Variants in ETFA observed in about 807,000 individuals in gnomAD.
ETFA encodes electron transfer flavoprotein subunit alpha, mitochondrial.
A neutral mutation model predicts 46.2 loss-of-function variants in ETFA; 22 were observed. That is an observed-to-expected ratio of 0.48 (90% confidence interval 0.34 to 0.68). ETFA has a LOEUF of 0.68. Ranked by LOEUF, ETFA falls within the 30% of genes least tolerant of loss-of-function variation. The probability of loss-of-function intolerance (pLI) is 0.01; values close to 1 mark genes in which losing one functional copy is unlikely to be tolerated. For synonymous variants in ETFA, 131 were observed against 139.9 expected (o/e 0.94, Z 0.45); for missense variants, 345 against 401.1 (o/e 0.86, Z 1.19).
In ETFA at chr15:76,216,575, A is replaced by G; in HGVS notation, c.986T>C (p.Ile329Thr). ...GATCCTGATTCATTTTTTCTTCAAT[A>G]TCTCAGTCATTTCAGGAACTACCTG... Reference protein sequence around the residue: ...LFKVVPEMTEILKKK With the variant: ...LFKVVPEMTETLKKK Residue 329 changes from isoleucine (I) to threonine (T), a missense_variant, in exon 12 of 12, where the codon ATA becomes ACA. Ile to Thr is a moderately conservative substitution (Grantham distance 89, BLOSUM62 -1). Transcript: ENST00000557943. 1 of 1,589,792 alleles carries G rather than the reference A, an allele frequency of 6.3e-7. No individual in the cohort carries two copies. The highest frequency in any genetic ancestry group is 8.6e-7 in the Non-Finnish European group (1 of 1,157,950).
At position 76,259,063 on chromosome 15, in the gene ETFA, G is replaced by A. The variant is rs942009243; in HGVS notation, c.816+15349C>T. On this transcript the variant is annotated intron_variant, in intron 9 of 11. Transcript: ENST00000557943. ...GTCTCATTGAGGGGACTCTCTGGCT[G>A]GTGCTCTGCCTGCCCTGGCTGCTCA... The A allele has an allele frequency of 9.4e-6, 15 of 1,598,796 alleles. No individual in the cohort carries two copies. In the African/African-American group the frequency reaches 1.9e-4, roughly 20 times the overall value.
chr15:76,285,546 G>T, intron 7 of ETFA, 91 bp downstream of exon 7: 1 of 756,796 alleles, frequency 1.3e-6, no homozygotes, highest in Non-Finnish European at 2.3e-6. Flanking sequence ...ATTTGAAAAA[G>T]ATCTGTGTAC....
chr15:76,224,739 T>C (rs1044637328), intron 11 of ETFA, among the ~76,000 whole-genome samples: 2 of 152,180 alleles, frequency 1.3e-5, no homozygotes, highest in African/African-American at 2.4e-5. Flanking sequence ...CCACTTCTCC[T>C]AGGGTTGGAT....
chr15:76,285,246 GA>G (rs1459086310), intron 7 of ETFA, among the ~76,000 whole-genome samples: 1 of 152,136 alleles, frequency 6.6e-6, no homozygotes, highest in Non-Finnish European at 1.5e-5. Context: ...GACAACTCTG[GA>G]AATCTTTCCA....
chr15:76,280,024 G>A (rs2039632255), intron 8 of ETFA, among the ~76,000 whole-genome samples: 1 of 151,666 alleles, frequency 6.6e-6, no homozygotes, highest in South Asian at 2.1e-4. Flanking sequence ...TCAGCCTCCA[G>A]AGTAGCAGGG....
Position 76,222,214 on chromosome 15 carries a change from T to A in ETFA, c.963+3635A>T, listed in dbSNP as rs1207335758. Among the ~76,000 whole-genome samples, 12 of 148,406 alleles carry A rather than the reference T, an allele frequency of 8.1e-5. No homozygotes were observed. The East Asian group carries it at 2.2e-3, about 27-fold the overall frequency. ...CTTAATGTTATATAAATATATTTTTTAAAATTATAATTTTAAAATATAATT... is the reference window on the plus strand; with the variant it reads ...CTTAATGTTATATAAATATATTTTTAAAAATTATAATTTTAAAATATAATT... On this transcript the variant is annotated intron_variant, in intron 11 of 11. Transcript: ENST00000557943.
At chr15:76,233,696 T>A (rs2039093355) in intron 9 of ETFA, among the ~76,000 whole-genome samples, 1 of 152,234 alleles carries the variant, frequency 6.6e-6, no homozygotes, top group Non-Finnish European at 1.5e-5. Flanking sequence ...GGGACATTTG[T>A]TAAACTGTTA....
At chr15:76,300,974 AG>A (rs1392968107) in intron 1 of ETFA, among the ~76,000 whole-genome samples, 3 of 152,190 alleles carry the variant, frequency 2.0e-5, no homozygotes, top group African/African-American at 7.2e-5. Flanking sequence ...GGTAGAGTAC[AG>A]GCTTTGGAGC....
intron 11 of ETFA, among the ~76,000 whole-genome samples, chr15:76,221,135 T>C (rs961371645): frequency 6.6e-6 from 1 of 152,228 alleles, no homozygotes; most frequent in Non-Finnish European, 1.5e-5. Context: ...CAATGGATAT[T>C]ATTTGGCAAG....
At chr15:76,274,268 T>C in intron 9 of ETFA, 144 bp downstream of exon 9, 1 of 712,416 alleles carries the variant, frequency 1.4e-6, no homozygotes, top group Non-Finnish European at 2.5e-6. Context: ...ACACAGACCT[T>C]GTGAAAATGA....
At chr15:76,306,102 C>T (rs888934504) in intron 1 of ETFA, among the ~76,000 whole-genome samples, 1 of 151,844 alleles carries the variant, frequency 6.6e-6, no homozygotes, top group African/African-American at 2.4e-5. Context: ...TAAAGTACCA[C>T]AGATGGTAGA....
intron 10 of ETFA, among the ~76,000 whole-genome samples, chr15:76,226,490 A>C (rs1473811512): frequency 6.6e-6 from 1 of 152,186 alleles, no homozygotes; most frequent in African/African-American, 2.4e-5. Flanking sequence ...AGACTGAGGC[A>C]GGAGACTCAC....
intron 8 of ETFA, among the ~76,000 whole-genome samples, chr15:76,278,187 C>G (rs1485496576): frequency 6.6e-6 from 1 of 152,168 alleles, no homozygotes; most frequent in Non-Finnish European, 1.5e-5. Context: ...GCCCACCACC[C>G]TACCTCAGCC....
intron 9 of ETFA, among the ~76,000 whole-genome samples, chr15:76,232,462 C>T (rs1447628391): frequency 6.6e-6 from 1 of 152,174 alleles, no homozygotes; most frequent in Non-Finnish European, 1.5e-5. Context: ...AGTAAAGTCT[C>T]TCCTCAATAT....
chr15:76,296,289 C>T (rs1004821561), intron 1 of ETFA, among the ~76,000 whole-genome samples: 4 of 152,038 alleles, frequency 2.6e-5, no homozygotes, highest in African/African-American at 7.2e-5. Context: ...GCAAATTAGC[C>T]TTCTATTGTT....
At chr15:76,227,937 A>C (rs1488161907) in intron 10 of ETFA, 1 of 456,148 alleles carries the variant, frequency 2.2e-6, no homozygotes, top group South Asian at 1.5e-5. Context: ...ATTAAGATGC[A>C]TAGTCAGAGA....
At chr15:76,262,121 C>T (rs1371039452) in intron 9 of ETFA, among the ~76,000 whole-genome samples, 1 of 151,538 alleles carries the variant, frequency 6.6e-6, no homozygotes, top group Non-Finnish European at 1.5e-5. Context: ...AAATATAAAG[C>T]CTAGAATAAG....
chr15:76,240,343 T>C (rs2039172312), intron 9 of ETFA, among the ~76,000 whole-genome samples: 1 of 152,222 alleles, frequency 6.6e-6, no homozygotes, highest in African/African-American at 2.4e-5. Context: ...AAATCTTAAA[T>C]TCAAATTCAT....
At chr15:76,303,719 T>C (rs1197879883) in intron 1 of ETFA, among the ~76,000 whole-genome samples, 2 of 152,158 alleles carry the variant, frequency 1.3e-5, no homozygotes, top group South Asian at 2.1e-4. Context: ...AACTAATCAT[T>C]AGAGAAATGC....
Sources: gnomAD v4.1 joint callset for allele counts (sites outside exome capture counted in the v4.1 genomes callset) on GRCh38, gnomAD v4.1.1 for gene constraint, MANE v1.5 for transcripts, NCBI Gene and HGNC (gene_info 2026-07-23, HGNC 2026-07-21) for gene names.